FHIT: variants seen among roughly 807,000 people sequenced by gnomAD.
FHIT encodes the protein bis(5'-adenosyl)-triphosphatase.
A neutral mutation model predicts 17.9 loss-of-function variants in FHIT; 19 were observed. The observed-to-expected ratio is 1.06, with a 90% CI of 0.74 to 1.56. The LOEUF is 1.56. FHIT is among the 40% of genes most tolerant of loss of function. The pLI is 0.00. For synonymous variants in FHIT, 81 were observed against 69.7 expected, an observed-to-expected ratio of 1.16 and a Z score of -0.81; for missense variants, 248 against 189.2, an observed-to-expected ratio of 1.31 and a Z score of -1.82.
intron 5 of FHIT, among the ~76,000 whole-genome samples, chr3:60,106,650 C>G (rs1460489069): frequency 2.6e-5 from 4 of 152,138 alleles, no homozygotes; most frequent in African/African-American, 9.7e-5. Flanking sequence ...CAGCCAAGGA[C>G]AGTGCTGCTT....
chr3:59,831,354 C>A (rs967373397), intron 8 of FHIT, among the ~76,000 whole-genome samples: 2 of 152,018 alleles, frequency 1.3e-5, no homozygotes, highest in Admixed American at 1.3e-4. Flanking sequence ...CTACTAAGTG[C>A]CTAATGTGGA....
chr3:59,877,216 C>A (rs539346350), intron 8 of FHIT, among the ~76,000 whole-genome samples: 1 of 152,164 alleles, frequency 6.6e-6, no homozygotes. Flanking sequence ...AAACTCCTTA[C>A]TATTGGAACT....
intron 8 of FHIT, among the ~76,000 whole-genome samples, chr3:59,807,483 T>C (rs1700248872): frequency 6.6e-6 from 1 of 152,102 alleles, no homozygotes. Flanking sequence ...TGTCTTCCAT[T>C]TTACAGGTGA....
rs534979554 is a variant in FHIT at position 60,264,578 on chromosome 3, A to C, written c.104-250426T>G. On this transcript the variant is annotated intron_variant, in intron 5 of 9. Transcript: ENST00000492590. ...AACACTAACAATAATACATTAAGAG[A>C]GTTAATAGAGAGTTAATATAAAAGC... Among the ~76,000 whole-genome samples the C allele has an allele frequency of 2.0e-5, 3 of 152,056 alleles. No homozygotes were observed. In the South Asian group the frequency reaches 6.2e-4, roughly 32 times the overall value.
chr3:60,476,842 G>A (rs1172324088), intron 5 of FHIT, among the ~76,000 whole-genome samples: 1 of 127,628 alleles, frequency 7.8e-6, no homozygotes, highest in Non-Finnish European at 1.6e-5. Context: ...GGACACCCGG[G>A]GAAGGATTTT....
intron 5 of FHIT, among the ~76,000 whole-genome samples, chr3:60,091,754 C>T: frequency 6.6e-6 from 1 of 152,104 alleles, no homozygotes; most frequent in Non-Finnish European, 1.5e-5. Context: ...GCACCTCCCA[C>T]CTTGCCTTTC....
intron 5 of FHIT, among the ~76,000 whole-genome samples, chr3:60,091,686 T>C (rs919946135): frequency 7.9e-5 from 12 of 152,142 alleles, no homozygotes; most frequent in Admixed American, 7.9e-4. Context: ...CACCATCCCC[T>C]TGGTGCTGTT....
intron 5 of FHIT, among the ~76,000 whole-genome samples, chr3:60,043,687 G>GATAGATAC (rs1452814174): frequency 1.3e-5 from 2 of 152,122 alleles, no homozygotes; most frequent in Non-Finnish European, 2.9e-5. Context: ...TAGATAGATA[G>GATAGATAC]ATAAAATATC....
chr3:60,161,279 TC>T (rs1403668668), intron 5 of FHIT, among the ~76,000 whole-genome samples: 2 of 152,172 alleles, frequency 1.3e-5, no homozygotes, highest in Non-Finnish European at 2.9e-5. Flanking sequence ...ACCAAACCCT[TC>T]CCATGGGCAT....
At chr3:60,921,843 C>A (rs1235086668) in intron 3 of FHIT, among the ~76,000 whole-genome samples, 2 of 152,194 alleles carry the variant, frequency 1.3e-5, no homozygotes, top group East Asian at 1.9e-4. Flanking sequence ...ATGTTCCCTG[C>A]CCAACACTAT....
intron 5 of FHIT, among the ~76,000 whole-genome samples, chr3:60,361,096 C>T (rs1699888292): frequency 6.6e-6 from 1 of 152,160 alleles, no homozygotes; most frequent in Non-Finnish European, 1.5e-5. Flanking sequence ...ATATATTCAT[C>T]CGTTCATCCA....
chr3:60,621,137 ACTTTTGAT>A (rs1337023533), intron 4 of FHIT, among the ~76,000 whole-genome samples: 24 of 136,494 alleles, frequency 1.8e-4, no homozygotes, highest in African/African-American at 6.5e-4. Flanking sequence ...CTTCCAGTCT[ACTTTTGAT>A]TTTTTTTTTT....
At chr3:60,428,588 T>C (rs963596979) in intron 5 of FHIT, among the ~76,000 whole-genome samples, 1 of 152,070 alleles carries the variant, frequency 6.6e-6, no homozygotes, top group Non-Finnish European at 1.5e-5. Context: ...GCAATAAACA[T>C]TGATAAAGAA....
At chr3:60,171,372 G>T (rs1364094448) in intron 5 of FHIT, among the ~76,000 whole-genome samples, 1 of 152,084 alleles carries the variant, frequency 6.6e-6, no homozygotes, top group East Asian at 1.9e-4. Context: ...GAGCCTTTGG[G>T]TGATGTTCTC....
At chr3:60,570,161 T>G (rs567410754) in intron 4 of FHIT, among the ~76,000 whole-genome samples, 1 of 152,170 alleles carries the variant, frequency 6.6e-6, no homozygotes, top group South Asian at 2.1e-4. Flanking sequence ...TGGGAAGCCA[T>G]GCTGCACTGG....
intron 5 of FHIT, among the ~76,000 whole-genome samples, chr3:60,245,664 T>C (rs1705359068): frequency 6.6e-6 from 1 of 152,106 alleles, no homozygotes; most frequent in African/African-American, 2.4e-5. Context: ...ATATATGATA[T>C]TCCCAGCCCT....
At chr3:60,821,718 T>C (rs1701936627) in intron 4 of FHIT, among the ~76,000 whole-genome samples, 1 of 152,150 alleles carries the variant, frequency 6.6e-6, no homozygotes, top group African/African-American at 2.4e-5. Flanking sequence ...ATAATATTTA[T>C]ACCCCAATTT....
At chr3:60,405,027 T>C (rs920271807) in intron 5 of FHIT, among the ~76,000 whole-genome samples, 12 of 152,178 alleles carry the variant, frequency 7.9e-5, no homozygotes, top group Admixed American at 3.9e-4. Context: ...ACTGGTGATT[T>C]TGTCCTCCAC....
chr3:59,973,941 G>A (rs564237450), intron 7 of FHIT, among the ~76,000 whole-genome samples: 2 of 151,622 alleles, frequency 1.3e-5, no homozygotes, highest in East Asian at 3.9e-4. Context: ...CACAGGGGTA[G>A]TGTGGCATCT....
Sources: gnomAD v4.1 joint callset for allele counts (sites outside exome capture counted in the v4.1 genomes callset) on GRCh38, gnomAD v4.1.1 for gene constraint, MANE v1.5 for transcripts, NCBI Gene and HGNC (gene_info 2026-07-23, HGNC 2026-07-21) for gene names.